Variants in PPWD1 observed in about 807,000 individuals in gnomAD.
The protein encoded by PPWD1 is peptidylprolyl isomerase domain and WD repeat-containing protein 1.
PPWD1 carries 43 observed loss-of-function variants against 68.8 expected under a neutral mutation model. That is an observed-to-expected ratio of 0.62 (90% CI 0.49 to 0.81). The LOEUF is 0.81. PPWD1 is among the 30% of genes least tolerant of loss of function. PPWD1 has a pLI of 0.00. For missense variants in PPWD1, 672 were observed against 804.8 expected, an observed-to-expected ratio of 0.83 and a Z score of 2.00; for synonymous variants, 232 against 258.7, an observed-to-expected ratio of 0.90 and a Z score of 0.99.
chr5:65,587,144 T>C (rs1753883540), intron 10 of PPWD1, 109 bp from the exon 11 acceptor site: 1 of 1,159,954 alleles, frequency 8.6e-7, no homozygotes, highest in South Asian at 2.6e-5. Flanking sequence ...TTTTTAAATA[T>C]ATGCTAAAGG....
In PPWD1 at chr5:65,584,457, G is replaced by A. The variant is rs150499988; in HGVS notation, c.1533-557G>A. 3.3e-5 allele frequency among the ~76,000 whole-genome samples: 5 copies of A among 152,330 alleles called. No homozygotes were observed. The East Asian group carries it at 9.6e-4, about 29-fold the overall frequency. On this transcript the variant is annotated intron_variant, in intron 8 of 10. Transcript: ENST00000261308. ...TCTATGATTAAGGTTTTGGCCAAGA[G>A]TATGTCGCTGTAGCATAACAATGCT...
intron 9 of PPWD1, among the ~76,000 whole-genome samples, chr5:65,585,617 T>A (rs1260725416): frequency 6.6e-6 from 1 of 151,918 alleles, no homozygotes; most frequent in African/African-American, 2.4e-5. Context: ...GATCTCAGGG[T>A]CCTAAAGGAA....
chr5:65,563,952 A>T, intron 1 of PPWD1: 1 of 1,034,204 alleles, frequency 9.7e-7, no homozygotes, highest in East Asian at 2.6e-5. Flanking sequence ...CATGGTAGGT[A>T]AAGATAATTT....
At chr5:65,578,795 T>TACATATATATGTGTATATATATAC (rs1753448885) in intron 6 of PPWD1, among the ~76,000 whole-genome samples, 2 of 95,288 alleles carry the variant, frequency 2.1e-5, no homozygotes, top group African/African-American at 8.3e-5. Flanking sequence ...TATATATATA[T>TACATATATATGTGTATATATATAC]ACATATATAT....
At chr5:65,582,938 T>TA in intron 7 of PPWD1, 100 bp from the exon 8 acceptor site, 2 of 1,371,864 alleles carry the variant, frequency 1.5e-6, no homozygotes, top group South Asian at 1.7e-5. Context: ...TGTGAATTCT[T>TA]ACATTTCTTA....
intron 1 of PPWD1, among the ~76,000 whole-genome samples, chr5:65,567,071 T>G (rs1185409849): frequency 6.6e-6 from 1 of 152,204 alleles, no homozygotes; most frequent in Non-Finnish European, 1.5e-5. Flanking sequence ...AAATATTAAC[T>G]GAGACATCTT....
chr5:65,567,510 C>G lies in PPWD1; in HGVS notation c.197-3C>G. 1.3e-6 allele frequency: 2 copies of G among 1,583,020 alleles called. No homozygotes were observed. Among genetic ancestry groups the G allele is most frequent in the Admixed American group, 1.8e-5 (1 of 54,442 alleles). On this transcript the variant is annotated splice_polypyrimidine_tract_variant and splice_region_variant and intron_variant, in intron 1 of 10. Transcript: ENST00000261308. ...ATCTTATACTTTACTTTTTTTTCTT[C>G]AGTCTTAGAGTTTGAAAGAGTCTAT...
intron 7 of PPWD1, 59 bp from the exon 8 acceptor site, chr5:65,582,979 A>C (rs1753660715): frequency 6.9e-7 from 1 of 1,446,434 alleles, no homozygotes; most frequent in African/African-American, 1.4e-5. Context: ...ATTGTTCATA[A>C]AATTTTTACC....
intron 6 of PPWD1, among the ~76,000 whole-genome samples, chr5:65,578,771 TAC>T (rs1404816970): frequency 3.0e-5 from 2 of 66,436 alleles, no homozygotes; most frequent in Admixed American, 2.5e-4. Flanking sequence ...TATATATATA[TAC>T]ATATATATGT....
intron 1 of PPWD1, among the ~76,000 whole-genome samples, chr5:65,567,044 A>C (rs971862265): frequency 6.6e-6 from 1 of 152,172 alleles, no homozygotes; most frequent in Non-Finnish European, 1.5e-5. Flanking sequence ...AATAACTTGA[A>C]AGAGAATCAG....
In PPWD1 at chr5:65,574,875, T is replaced by C. The variant is rs148827141; in HGVS notation, c.970-2004T>C. Among the ~76,000 whole-genome samples the C allele has an allele frequency of 1.1e-4, 16 of 152,334 alleles. No homozygotes were observed. In the East Asian group the frequency reaches 3.1e-3, roughly 29 times the overall value. On this transcript the variant is annotated intron_variant, in intron 5 of 10. Coordinates refer to ENST00000261308, the MANE Select transcript of PPWD1 (RefSeq NM_015342.4). ...GCCTGAGGTGACAAGAAGTCAGTAG[T>C]AGAACTTAAGACAGAAGTGGAGATT... is the stretch of plus-strand genomic sequence containing the variant.
intron 5 of PPWD1, among the ~76,000 whole-genome samples, chr5:65,575,651 G>A (rs1359673069): frequency 1.1e-5 from 1 of 91,680 alleles, no homozygotes; most frequent in Non-Finnish European, 2.5e-5. Context: ...AGAATGTAAA[G>A]ATCGTTACTC....
chr5:65,584,893 CT>C, intron 8 of PPWD1, 120 bp from the exon 9 acceptor site: 2 of 1,172,686 alleles, frequency 1.7e-6, no homozygotes. Flanking sequence ...AAAAAAACAA[CT>C]GTCCTTCTGA....
chr5:65,573,476 T>TA (rs201295161), intron 5 of PPWD1, among the ~76,000 whole-genome samples: 23,127 of 58,614 alleles, frequency 0.39, 4,198 homozygotes, highest in African/African-American at 0.5. Context: ...TATATATATA[T>TA]TTTTTTTTTA....
In PPWD1 at chr5:65,578,775, T is replaced by C. The variant is rs142934675; in HGVS notation, c.1161-649T>C. 7.1e-3 allele frequency among the ~76,000 whole-genome samples: 410 copies of C among 57,922 alleles called. 2 individuals carry two copies. Among genetic ancestry groups the C allele is most frequent in the African/African-American group, 0.026 (326 of 12,664 alleles). 38.0% of individuals were successfully genotyped at this position (57,922 alleles called of 152,430 possible). On this transcript the variant is annotated intron_variant, in intron 6 of 10. Coordinates refer to ENST00000261308, the MANE Select transcript of PPWD1 (RefSeq NM_015342.4). ...ACATATATGTGTATATATATATACA[T>C]ATATATGTGTATATATATATACATA... is the stretch of plus-strand genomic sequence containing the variant.
In PPWD1 at chr5:65,579,641, G is replaced by A. The variant is rs373766919; in HGVS notation, c.1350+28G>A. 1.7e-5 allele frequency: 23 copies of A among 1,384,474 alleles called. No individual in the cohort carries two copies. In the African/African-American group the frequency reaches 2.5e-4, roughly 15 times the overall value. 85.8% of individuals were successfully genotyped at this position (1,384,474 alleles called of 1,614,324 possible). ...ATGTGTAAGTACTAGGAGATTAGAC[G>A]GTAATGTTCCTTCCAGTTTGGTTTG... is the stretch of plus-strand genomic sequence containing the variant. On this transcript the variant is annotated intron_variant, in intron 7 of 10. Transcript: ENST00000261308.
chr5:65,575,631 T>C (rs961026996), intron 5 of PPWD1, among the ~76,000 whole-genome samples: 5 of 145,988 alleles, frequency 3.4e-5, no homozygotes, highest in African/African-American at 1.3e-4. Flanking sequence ...ATGCCCTGAT[T>C]GTGTAGAAAA....
Position 65,587,417 on chromosome 5 carries a change from A to G in PPWD1, c.*21A>G. On this transcript the variant is annotated 3_prime_UTR_variant, in exon 11 of 11. Coordinates refer to ENST00000261308, the MANE Select transcript of PPWD1 (RefSeq NM_015342.4). ...AGTAAAATAAGATTTGTTTTAATGTACTTGCAAATAAAAATACAATATTAA... is the reference window on the plus strand; with the variant it reads ...AGTAAAATAAGATTTGTTTTAATGTGCTTGCAAATAAAAATACAATATTAA... The G allele has an allele frequency of 3.2e-6, 5 of 1,565,150 alleles. No homozygotes were observed. The highest frequency in any genetic ancestry group is 4.4e-6 in the Non-Finnish European group (5 of 1,141,530).
At chr5:65,576,372 AATT>A in intron 5 of PPWD1, 1 of 942,126 alleles carries the variant, frequency 1.1e-6, no homozygotes, top group Non-Finnish European at 1.3e-6. Flanking sequence ...TTTGAAATAC[AATT>A]TTTTTTTTTT....
Sources: gnomAD v4.1 joint callset for allele counts (sites outside exome capture counted in the v4.1 genomes callset) on GRCh38, gnomAD v4.1.1 for gene constraint, MANE v1.5 for transcripts, NCBI Gene and HGNC (gene_info 2026-07-23, HGNC 2026-07-21) for gene names.